Variants in SNTG2 observed in about 807,000 individuals in gnomAD.
SNTG2 encodes gamma-2-syntrophin.
SNTG2 carries 74 observed loss-of-function variants against 70.9 expected under a neutral mutation model. The observed-to-expected ratio is 1.04, with a 90% CI of 0.86 to 1.27. The LOEUF (loss-of-function observed/expected upper bound fraction) is 1.27, where lower values mean the gene tolerates loss of function less well. Ranked by LOEUF, SNTG2 falls within the 50% of genes most tolerant of loss-of-function variation. SNTG2 has a pLI of 0.00. For missense variants in SNTG2, 717 were observed against 690.7 expected (o/e 1.04, Z -0.43); for synonymous variants, 278 against 273.8 (o/e 1.02, Z -0.15).
chr2:1,144,032 G>C (rs1159735377), intron 6 of SNTG2, among the ~76,000 whole-genome samples: 4 of 152,130 alleles, frequency 2.6e-5, no homozygotes, highest in Non-Finnish European at 4.4e-5. Context: ...TGAAGCTGTG[G>C]CTCTCAGGAC....
intron 15 of SNTG2, among the ~76,000 whole-genome samples, chr2:1,313,666 G>C (rs766971994): frequency 6.6e-6 from 1 of 152,154 alleles, no homozygotes; most frequent in Non-Finnish European, 1.5e-5. Flanking sequence ...CACCACAGGC[G>C]ATTTGGAAGG....
chr2:1,101,835 C>G (rs1209487721), intron 4 of SNTG2, among the ~76,000 whole-genome samples: 1 of 152,152 alleles, frequency 6.6e-6, no homozygotes. Flanking sequence ...TGATGAGAGG[C>G]CGGGACAGGT....
At chr2:1,140,659 A>G (rs1668689252) in intron 6 of SNTG2, among the ~76,000 whole-genome samples, 2 of 152,254 alleles carry the variant, frequency 1.3e-5, no homozygotes, top group Admixed American at 6.5e-5. Context: ...TCTGCCTGTA[A>G]TCACCCCAGG....
At chr2:1,025,291 A>G (rs1347470647) in intron 1 of SNTG2, among the ~76,000 whole-genome samples, 1 of 152,154 alleles carries the variant, frequency 6.6e-6, no homozygotes, top group Non-Finnish European at 1.5e-5. Flanking sequence ...GGACGGGGTG[A>G]GGGTGGCAGG....
intron 14 of SNTG2, among the ~76,000 whole-genome samples, chr2:1,279,112 C>CGCGCGAATCACCCGTCAGT (rs1558626325): frequency 2.2e-4 from 31 of 142,916 alleles, no homozygotes; most frequent in African/African-American, 7.7e-4. Context: ...CCCCTGTCAG[C>CGCGCGAATCACCCGTCAGT]GCGCGAATCA....
At position 1,222,517 on chromosome 2, in the gene SNTG2, TCCTG is replaced by T. The variant is rs1196231561; in HGVS notation, c.719+13293_719+13296del. ...TGCAGTGATGGAGGGCGTCTCCCTG[TCCTG>T]CCTGCTGCTGGAGGTGCTGGATCGC... On this transcript the variant is annotated intron_variant, in intron 9 of 16. Coordinates refer to ENST00000308624, the MANE Select transcript of SNTG2 (RefSeq NM_018968.4). 4.4e-3 allele frequency among the ~76,000 whole-genome samples: 574 copies of T among 129,986 alleles called. 13 individuals are homozygous for T. Among genetic ancestry groups the T allele is most frequent in the African/African-American group, 0.015 (489 of 33,080 alleles). 85.3% of individuals were successfully genotyped at this position (129,986 alleles called of 152,430 possible).
intron 8 of SNTG2, among the ~76,000 whole-genome samples, chr2:1,195,089 G>A (rs1297690239): frequency 6.6e-6 from 1 of 152,108 alleles, no homozygotes; most frequent in African/African-American, 2.4e-5. Context: ...AGTACTCCAT[G>A]GTATATATGT....
chr2:1,060,806 A>G (rs1212561182), intron 1 of SNTG2, among the ~76,000 whole-genome samples: 2 of 152,252 alleles, frequency 1.3e-5, no homozygotes. Flanking sequence ...CTGAAGTTAT[A>G]ATAAAAGCTA....
rs1677990458 is a variant in SNTG2, at chr2:1,255,352, C to T, written c.1006-4018C>T. On this transcript the variant is annotated intron_variant, in intron 12 of 16. Transcript: ENST00000308624. ...CCACAAGACCACCACGTCAGACTCC[C>T]CTCATAAAACATCAAGAACACCAAT... Among the ~76,000 whole-genome samples, 3 of 152,228 alleles carry T rather than the reference C, an allele frequency of 2.0e-5. No homozygotes were observed. The South Asian group carries it at 6.2e-4, about 32-fold the overall frequency.
rs1674127410 is a variant in SNTG2 at position 1,212,737 on chromosome 2, A to AGG, written c.719+3507_719+3508insGG. ...GAGATGCTGTTCTTAGCTCCACCTT[A>AGG]CCTGTAAGCTCCTCAGGTCTCATTT... On this transcript the variant is annotated intron_variant, in intron 9 of 16. Coordinates refer to ENST00000308624, the MANE Select transcript of SNTG2 (RefSeq NM_018968.4). 3.9e-5 allele frequency among the ~76,000 whole-genome samples: 6 copies of AGG among 152,266 alleles called. 1 individual carries two copies. Among genetic ancestry groups the AGG allele is most frequent in the African/African-American group, 1.2e-4 (5 of 41,536 alleles).
chr2:1,233,355 A>G (rs1348163930), intron 9 of SNTG2, among the ~76,000 whole-genome samples: 1 of 152,224 alleles, frequency 6.6e-6, no homozygotes, highest in Non-Finnish European at 1.5e-5. Flanking sequence ...CCGCTGAAAC[A>G]GATGATTTGA....
chr2:1,074,222 G>A (rs185815382), intron 1 of SNTG2, among the ~76,000 whole-genome samples: 3 of 152,260 alleles, frequency 2.0e-5, no homozygotes, highest in Admixed American at 6.5e-5. Flanking sequence ...TCTGCCCGGG[G>A]GAATGCTCAG....
chr2:973,889 CT>C (rs1247986164), intron 1 of SNTG2, among the ~76,000 whole-genome samples: 1 of 152,004 alleles, frequency 6.6e-6, no homozygotes, highest in African/African-American at 2.4e-5. Context: ...AGGTTTTCAG[CT>C]TTTTTTGCTC....
At chr2:1,071,764 G>T (rs558822217) in intron 1 of SNTG2, among the ~76,000 whole-genome samples, 1 of 152,228 alleles carries the variant, frequency 6.6e-6, no homozygotes, top group South Asian at 2.1e-4. Context: ...GTAAAACAAA[G>T]GACAATTCTT....
intron 1 of SNTG2, among the ~76,000 whole-genome samples, chr2:1,056,053 G>C (rs953316357): frequency 2.6e-5 from 4 of 151,954 alleles, no homozygotes; most frequent in Non-Finnish European, 5.9e-5. Flanking sequence ...AGTGGACACA[G>C]GGAGAAGGGG....
intron 1 of SNTG2, among the ~76,000 whole-genome samples, chr2:1,039,621 A>T (rs1661318967): frequency 6.6e-6 from 1 of 152,184 alleles, no homozygotes; most frequent in African/African-American, 2.4e-5. Flanking sequence ...TTTATCAGAC[A>T]CTGGTATGGT....
chr2:1,026,729 G>C (rs995681404), intron 1 of SNTG2, among the ~76,000 whole-genome samples: 3 of 152,104 alleles, frequency 2.0e-5, no homozygotes, highest in Non-Finnish European at 4.4e-5. Context: ...AAAATACCCC[G>C]ATTCCACCTC....
chr2:1,305,384 A>G (rs946019551), intron 14 of SNTG2, among the ~76,000 whole-genome samples: 3 of 152,240 alleles, frequency 2.0e-5, no homozygotes, highest in Non-Finnish European at 2.9e-5. Context: ...AAACCAGTAC[A>G]CAAAAATAAA....
chr2:1,326,039 G>A (rs1426299650), intron 16 of SNTG2, among the ~76,000 whole-genome samples: 7 of 151,976 alleles, frequency 4.6e-5, no homozygotes, highest in Non-Finnish European at 8.8e-5. Context: ...CACCATGTTG[G>A]CAAGGATGGT....
Sources: allele counts gnomAD v4.1 joint callset (sites outside exome capture counted in the v4.1 genomes callset), GRCh38; gene constraint gnomAD v4.1.1; transcripts MANE v1.5; gene names NCBI Gene and HGNC (gene_info 2026-07-23, HGNC 2026-07-21).